Variants in EFCAB11 observed in about 807,000 individuals in gnomAD.
The protein encoded by EFCAB11 is EF-hand calcium-binding domain-containing protein 11.
Under a neutral mutation model 23.0 loss-of-function variants are expected in EFCAB11, and 14 were observed. The ratio of observed to expected loss-of-function variants is 0.61; its 90% CI spans 0.40 to 0.95. The LOEUF (loss-of-function observed/expected upper bound fraction) is 0.95, where lower values mean the gene tolerates loss of function less well. Ranked by LOEUF, EFCAB11 falls within the 40% of genes least tolerant of loss-of-function variation. EFCAB11 has a pLI of 0.00. For missense variants in EFCAB11, 198 were observed against 195.8 expected, an observed-to-expected ratio of 1.01 and a Z score of -0.07; for synonymous variants, 65 against 66.6, an observed-to-expected ratio of 0.98 and a Z score of 0.11.
At chr14:89,902,663 GATT>G (rs1371646408) in intron 5 of EFCAB11, among the ~76,000 whole-genome samples, 1 of 152,094 alleles carries the variant, frequency 6.6e-6, no homozygotes, top group Non-Finnish European at 1.5e-5. Flanking sequence ...CTTAGAATTA[GATT>G]ATTAACACTT....
chr14:89,886,363 A>G lies in EFCAB11; in HGVS notation c.410+45178T>C, dbSNP rs532489161. ...AAACCCCGTCTCTACTAAAAATACA[A>G]AGAAATGAGCCGGGCGTGGTGGCGG... On this transcript the variant is annotated intron_variant, in intron 5 of 5. Coordinates refer to ENST00000316738, the MANE Select transcript of EFCAB11 (RefSeq NM_145231.4). Among the ~76,000 whole-genome samples, 98 of 152,060 alleles carry G rather than the reference A, an allele frequency of 6.4e-4. No individual in the cohort carries two copies. The Middle Eastern group carries it at 0.01, about 16-fold the overall frequency.
rs1225685016 is a variant in EFCAB11 at position 89,854,245 on chromosome 14, TA to T, written c.411-56922del. ...AAAGCAGATACAAACACATTTTTTTTAAAGAGGCATTTAAGATTGCCAAATC... is the reference window on the plus strand; with the variant it reads ...AAAGCAGATACAAACACATTTTTTTTAAGAGGCATTTAAGATTGCCAAATC... On this transcript the variant is annotated intron_variant, in intron 5 of 5. Coordinates refer to ENST00000316738, the MANE Select transcript of EFCAB11 (RefSeq NM_145231.4). 9.6e-4 allele frequency among the ~76,000 whole-genome samples: 132 copies of T among 138,164 alleles called. 1 individual carries two copies. Among genetic ancestry groups the T allele is most frequent in the African/African-American group, 3.3e-3 (126 of 37,732 alleles). The allele number at this position is 138,164 out of a possible 152,430, so 90.6% of individuals were successfully genotyped here. A position where few individuals can be genotyped will look rare whatever the true frequency, so the allele number is the denominator to read the frequency against.
At chr14:89,830,088 A>G (rs569332187) in intron 5 of EFCAB11, 2 of 152,266 alleles carry the variant, frequency 1.3e-5, no homozygotes, top group African/African-American at 4.8e-5. Context: ...TTTCTTTTGT[A>G]TCATTATTAA....
chr14:89,850,478 G>C (rs116822452), intron 5 of EFCAB11, among the ~76,000 whole-genome samples: 1 of 152,190 alleles, frequency 6.6e-6, no homozygotes, highest in African/African-American at 2.4e-5. Context: ...GAGCCCAGGA[G>C]GGACATTTTA....
intron 5 of EFCAB11, among the ~76,000 whole-genome samples, chr14:89,898,803 C>T (rs558125490): frequency 6.6e-6 from 1 of 151,296 alleles, no homozygotes; most frequent in Admixed American, 6.6e-5. Flanking sequence ...TCCTGAGTAG[C>T]TGGGACTACA....
chr14:89,908,295 C>T (rs1412226054), intron 5 of EFCAB11, among the ~76,000 whole-genome samples: 1 of 152,208 alleles, frequency 6.6e-6, no homozygotes, highest in Non-Finnish European at 1.5e-5. Flanking sequence ...ATCCTCCAAA[C>T]AACTCTGGTG....
At chr14:89,887,359 G>A (rs1023960280) in intron 5 of EFCAB11, among the ~76,000 whole-genome samples, 2 of 152,124 alleles carry the variant, frequency 1.3e-5, no homozygotes, top group Non-Finnish European at 2.9e-5. Flanking sequence ...CAAACAACTA[G>A]ATACACATGA....
At chr14:89,883,073 G>T (rs769017648) in intron 5 of EFCAB11, among the ~76,000 whole-genome samples, 12 of 152,100 alleles carry the variant, frequency 7.9e-5, no homozygotes, top group Admixed American at 3.9e-4. Flanking sequence ...AAGAGTGGAA[G>T]AAATCTGAGG....
intron 5 of EFCAB11, chr14:89,799,159 A>T (rs1424393422): frequency 1.3e-5 from 2 of 152,200 alleles, no homozygotes; most frequent in Non-Finnish European, 2.9e-5. Flanking sequence ...TGAGTATAGT[A>T]AAACCAAGCA....
At chr14:89,844,054 T>TTA (rs1181236492) in intron 5 of EFCAB11, among the ~76,000 whole-genome samples, 1 of 152,224 alleles carries the variant, frequency 6.6e-6, no homozygotes, top group African/African-American at 2.4e-5. Flanking sequence ...AACAGTAGTT[T>TTA]GTCTGTCAGT....
At chr14:89,854,375 T>A (rs1887687523) in intron 5 of EFCAB11, among the ~76,000 whole-genome samples, 1 of 152,018 alleles carries the variant, frequency 6.6e-6, no homozygotes, top group East Asian at 1.9e-4. Context: ...CCTCTCCACA[T>A]CCACTAGCAA....
chr14:89,902,653 CTTAGAA>C (rs1019288160), intron 5 of EFCAB11, among the ~76,000 whole-genome samples: 2 of 152,222 alleles, frequency 1.3e-5, no homozygotes, highest in African/African-American at 4.8e-5. Flanking sequence ...AAATAGAATA[CTTAGAA>C]TTAGATTATT....
rs370830803 is a variant in EFCAB11, at chr14:89,927,974, C to T, written c.410+3567G>A. On this transcript the variant is annotated intron_variant, in intron 5 of 5. Coordinates refer to ENST00000316738, the MANE Select transcript of EFCAB11 (RefSeq NM_145231.4). ...CTGACTTCAGGTGATCCGCCCGCCT[C>T]GGCCTCCCAAAGTGCTGGGATTACA... Among the ~76,000 whole-genome samples the T allele has an allele frequency of 4.9e-4, 74 of 152,238 alleles. No individual in the cohort carries two copies. In the South Asian group the frequency reaches 0.014, roughly 29 times the overall value.
chr14:89,949,307 T>A (rs1891083430), intron 3 of EFCAB11, among the ~76,000 whole-genome samples: 1 of 152,240 alleles, frequency 6.6e-6, no homozygotes, highest in South Asian at 2.1e-4. Context: ...AAAACCTTTC[T>A]TTTGGACAAC....
chr14:89,896,348 C>T (rs1381771609), intron 5 of EFCAB11, among the ~76,000 whole-genome samples: 3 of 152,076 alleles, frequency 2.0e-5, no homozygotes, highest in African/African-American at 4.8e-5. Flanking sequence ...CGAGATCGTG[C>T]CACTGCACTC....
At chr14:89,938,140 T>C (rs1343625293) in intron 3 of EFCAB11, 1 of 152,172 alleles carries the variant, frequency 6.6e-6, no homozygotes, top group Non-Finnish European at 1.5e-5. Flanking sequence ...GCTATCACAG[T>C]GAGCTCAACT....
chr14:89,834,046 A>G (rs1373599544), intron 5 of EFCAB11, among the ~76,000 whole-genome samples: 1 of 152,108 alleles, frequency 6.6e-6, no homozygotes, highest in Admixed American at 6.5e-5. Flanking sequence ...ATAATTGGAA[A>G]TGTGTATCCC....
intron 3 of EFCAB11, among the ~76,000 whole-genome samples, chr14:89,936,751 A>G (rs556891019): frequency 3.3e-5 from 5 of 152,318 alleles, no homozygotes; most frequent in African/African-American, 1.2e-4. Context: ...AAGCCAATAC[A>G]TAGTAACATG....
intron 5 of EFCAB11, chr14:89,924,434 T>A (rs1193605443): frequency 2.6e-5 from 35 of 1,346,486 alleles, no homozygotes; most frequent in Non-Finnish European, 3.3e-5. Context: ...TTTCATCTCA[T>A]GACTGGGAAG....
Sources: allele counts gnomAD v4.1 joint callset (sites outside exome capture counted in the v4.1 genomes callset), GRCh38; gene constraint gnomAD v4.1.1; transcripts MANE v1.5; gene names NCBI Gene and HGNC (gene_info 2026-07-23, HGNC 2026-07-21).